ITGBL1: variants seen among roughly 807,000 people sequenced by gnomAD.
ITGBL1 encodes the protein integrin subunit beta like 1, also known as integrin beta-like protein 1.
Under a neutral mutation model 68.5 loss-of-function variants are expected in ITGBL1, and 51 were observed. The observed-to-expected ratio is 0.74, with a 90% CI of 0.59 to 0.94. The LOEUF (loss-of-function observed/expected upper bound fraction) is 0.94, where lower values mean the gene tolerates loss of function less well. ITGBL1 is among the 40% of genes least tolerant of loss of function. The pLI is 0.00. For synonymous variants in ITGBL1, 209 were observed against 227.3 expected (o/e 0.92, Z 0.72); for missense variants, 649 against 647.4 (o/e 1.00, Z -0.03).
At chr13:101,658,881 TAAATAATAAA>T (rs1375636805) in intron 7 of ITGBL1, among the ~76,000 whole-genome samples, 2 of 150,566 alleles carry the variant, frequency 1.3e-5, no homozygotes, top group South Asian at 2.1e-4. Flanking sequence ...ATAATAGTAA[TAAATAATAAA>T]AAATAATAAA....
At chr13:101,649,295 T>C (rs1278513050) in intron 7 of ITGBL1, among the ~76,000 whole-genome samples, 1 of 152,174 alleles carries the variant, frequency 6.6e-6, no homozygotes, top group Non-Finnish European at 1.5e-5. Context: ...GGATGTGTCT[T>C]CCTATTATTT....
rs144763311 is a variant in ITGBL1 at position 101,644,610 on chromosome 13, G to A, written c.1015+46311G>A. On this transcript the variant is annotated intron_variant, in intron 7 of 10. Transcript: ENST00000376180. ...AATAAAGATTTAAATTCCTCTTTAG[G>A]GATTCAGCAAATACTTGAAAAGCAA... 4.7e-3 allele frequency among the ~76,000 whole-genome samples: 707 copies of A among 151,974 alleles called. 3 individuals are homozygous for A. Among genetic ancestry groups the A allele is most frequent in the Non-Finnish European group, 7.6e-3 (518 of 67,960 alleles).
At position 101,604,887 on chromosome 13, in the gene ITGBL1, T is replaced by TGTATATATATATATACACAC. The variant is rs1555361661; in HGVS notation, c.1015+6588_1015+6589insGTATATATATATATACACAC. Among the ~76,000 whole-genome samples the TGTATATATATATATACACAC allele has an allele frequency of 1.8e-4, 4 of 22,162 alleles. 1 individual carries two copies. Among genetic ancestry groups the TGTATATATATATATACACAC allele is most frequent in the Non-Finnish European group, 1.6e-4 (2 of 12,232 alleles). The allele number at this position is 22,162 out of a possible 152,430, so 14.5% of individuals were successfully genotyped here. ...ATATATATATATATATATATATATA[T>TGTATATATATATATACACAC]ACACACACACACACATATATATGTG... On this transcript the variant is annotated intron_variant, in intron 7 of 10. Transcript: ENST00000376180.
chr13:101,545,744 C>A (rs878886048), intron 2 of ITGBL1, among the ~76,000 whole-genome samples: 1 of 152,100 alleles, frequency 6.6e-6, no homozygotes, highest in Admixed American at 6.5e-5. Context: ...ACAGCCATCA[C>A]TGGGGCCCTC....
At chr13:101,598,418 G>GTTTTTTAT (rs2030125997) in intron 7 of ITGBL1, 119 bp downstream of exon 7, 4 of 792,128 alleles carry the variant, frequency 5.0e-6, no homozygotes, top group Admixed American at 3.9e-5. Flanking sequence ...TGGTTTTTTT[G>GTTTTTTAT]TTTTTTATTT....
chr13:101,537,708 TG>T (rs1172932269), intron 2 of ITGBL1, among the ~76,000 whole-genome samples: 4 of 152,070 alleles, frequency 2.6e-5, no homozygotes, highest in Admixed American at 6.6e-5. Context: ...AATTGTCATG[TG>T]GATCACAATG....
At chr13:101,568,422 T>TA (rs1185574624) in intron 3 of ITGBL1, among the ~76,000 whole-genome samples, 4 of 152,140 alleles carry the variant, frequency 2.6e-5, no homozygotes, top group African/African-American at 9.7e-5. Flanking sequence ...AGTTGCAGTT[T>TA]AGGTTTCAAT....
chr13:101,604,887 T>TATGTGTATATATATATACAC, intron 7 of ITGBL1, among the ~76,000 whole-genome samples: 1 of 22,164 alleles, frequency 4.5e-5, no homozygotes, highest in African/African-American at 1.5e-4. Flanking sequence ...TATATATATA[T>TATGTGTATATATATATACAC]ACACACACAC....
At chr13:101,477,210 A>G (rs1239171841) in intron 2 of ITGBL1, among the ~76,000 whole-genome samples, 1 of 152,208 alleles carries the variant, frequency 6.6e-6, no homozygotes, top group Non-Finnish European at 1.5e-5. Context: ...CTATGCAGAC[A>G]CACAGAAATT....
chr13:101,705,740 C>T (rs2034248922), intron 8 of ITGBL1, among the ~76,000 whole-genome samples: 1 of 152,118 alleles, frequency 6.6e-6, no homozygotes, highest in South Asian at 2.1e-4. Context: ...AGGGTCCTGC[C>T]AGAGCAAATG....
intron 6 of ITGBL1, among the ~76,000 whole-genome samples, chr13:101,585,957 G>T (rs1406416973): frequency 6.6e-6 from 1 of 152,054 alleles, no homozygotes; most frequent in Admixed American, 6.6e-5. Context: ...CTACATTATA[G>T]CGATAATTCA....
chr13:101,513,918 C>G (rs2049154827), intron 2 of ITGBL1, among the ~76,000 whole-genome samples: 1 of 151,916 alleles, frequency 6.6e-6, no homozygotes, highest in African/African-American at 2.4e-5. Context: ...TATTTTTCTG[C>G]AATAACTGAG....
rs992432762 is a variant in ITGBL1 at position 101,716,432 on chromosome 13, C to T, written c.*778C>T. On this transcript the variant is annotated 3_prime_UTR_variant, in exon 11 of 11. Coordinates refer to ENST00000376180, the MANE Select transcript of ITGBL1 (RefSeq NM_004791.3). ...ATTTAACATTTTAAATAAATAGTGA[C>T]AGAAGTTGTTTATACTCTGTGTCAG... 6.6e-6 allele frequency: 1 copy of T among 152,000 alleles called. No individual in the cohort carries two copies. The highest frequency in any genetic ancestry group is 2.4e-5 in the African/African-American group (1 of 41,374). The allele number at this position is 152,000 out of a possible 1,614,324, so 9.4% of individuals were successfully genotyped here.
intron 2 of ITGBL1, among the ~76,000 whole-genome samples, chr13:101,567,008 T>C (rs2050192577): frequency 6.6e-6 from 1 of 152,174 alleles, no homozygotes; most frequent in Non-Finnish European, 1.5e-5. Context: ...TTTGCACTTC[T>C]GTCAGACTAA....
intron 7 of ITGBL1, among the ~76,000 whole-genome samples, chr13:101,655,136 C>G (rs1363605195): frequency 6.6e-6 from 1 of 152,184 alleles, no homozygotes; most frequent in Non-Finnish European, 1.5e-5. Flanking sequence ...GAATGATGCA[C>G]TTGCTTAAAA....
chr13:101,634,018 TATA>T (rs1296085653), intron 7 of ITGBL1, among the ~76,000 whole-genome samples: 4 of 152,154 alleles, frequency 2.6e-5, no homozygotes, highest in African/African-American at 7.2e-5. Context: ...TTTGTACAAA[TATA>T]ATGAGAAAAG....
intron 7 of ITGBL1, among the ~76,000 whole-genome samples, chr13:101,601,637 C>G (rs537707195): frequency 1.3e-5 from 2 of 152,246 alleles, no homozygotes; most frequent in South Asian, 2.1e-4. Context: ...TATGTTGTGT[C>G]TTTGTTCTCA....
chr13:101,525,598 C>T (rs1345230644), intron 2 of ITGBL1, among the ~76,000 whole-genome samples: 1 of 151,330 alleles, frequency 6.6e-6, no homozygotes, highest in African/African-American at 2.4e-5. Context: ...AATTCCGTGT[C>T]TATTTTCTAA....
intron 7 of ITGBL1, among the ~76,000 whole-genome samples, chr13:101,637,488 CACGT>C (rs2032212005): frequency 2.0e-5 from 3 of 151,866 alleles, no homozygotes; most frequent in Non-Finnish European, 4.4e-5. Context: ...GGACTACAGG[CACGT>C]GCCACCACAC....
Sources: gnomAD v4.1 joint callset for allele counts (sites outside exome capture counted in the v4.1 genomes callset) on GRCh38, gnomAD v4.1.1 for gene constraint, MANE v1.5 for transcripts, NCBI Gene and HGNC (gene_info 2026-07-23, HGNC 2026-07-21) for gene names.